Variants in BIN1 observed in about 807,000 individuals in gnomAD.
BIN1 encodes myc box-dependent-interacting protein 1.
Under a neutral mutation model 82.0 loss-of-function variants are expected in BIN1, and 53 were observed. The observed-to-expected ratio is 0.65, with a 90% CI of 0.52 to 0.81. The LOEUF (loss-of-function observed/expected upper bound fraction) is 0.81, where lower values mean the gene tolerates loss of function less well. Among genes scored for constraint, BIN1 ranks in the 40% least tolerant of loss-of-function variants. The pLI, the probability that BIN1 is intolerant of heterozygous loss-of-function variation, is 0.00. For synonymous variants in BIN1, 302 were observed against 328.0 expected, an observed-to-expected ratio of 0.92 and a Z score of 0.86; for missense variants, 642 against 784.4, an observed-to-expected ratio of 0.82 and a Z score of 2.17.
At chr2:127,050,324 G>T in intron 18 of BIN1, 97 bp downstream of exon 18, 1 of 1,358,926 alleles carries the variant, frequency 7.4e-7, no homozygotes, top group Non-Finnish European at 1.0e-6. Flanking sequence ...GCGGGCCTCT[G>T]CTGCCCCCTG....
intron 1 of BIN1, among the ~76,000 whole-genome samples, chr2:127,078,615 G>C (rs1275723742): frequency 6.6e-6 from 1 of 152,142 alleles, no homozygotes; most frequent in East Asian, 1.9e-4. Context: ...CAGCCCCTTG[G>C]GCAACTGCAG....
Position 127,050,928 on chromosome 2 carries a change from CG to C in BIN1, c.1462-17del, listed in dbSNP as rs1558793122. 3 of 1,611,332 alleles carry C rather than the reference CG, an allele frequency of 1.9e-6. No homozygotes were observed. Among genetic ancestry groups the C allele is most frequent in the Non-Finnish European group, 1.7e-6 (2 of 1,177,676 alleles). ...GAAGAGAGCTCTGGTGGCAGAGGTA[CG>C]GGTCAGCTGAGCAGGGAGGTGGTCC... On this transcript the variant is annotated splice_polypyrimidine_tract_variant and intron_variant, in intron 16 of 18. Coordinates refer to ENST00000316724, the MANE Select transcript of BIN1 (RefSeq NM_139343.3).
intron 1 of BIN1, among the ~76,000 whole-genome samples, chr2:127,087,956 C>A (rs2105249047): frequency 1.3e-5 from 2 of 152,350 alleles, no homozygotes; most frequent in African/African-American, 4.8e-5. Context: ...AGGGCTACGC[C>A]CACCCAGACC....
intron 1 of BIN1, among the ~76,000 whole-genome samples, chr2:127,099,317 TG>T (rs1240983002): frequency 1.3e-5 from 2 of 151,796 alleles, no homozygotes; most frequent in African/African-American, 4.8e-5. Flanking sequence ...GCCCAGAGTA[TG>T]GGATTCCCCC....
intron 1 of BIN1, among the ~76,000 whole-genome samples, chr2:127,096,157 C>T (rs1679578972): frequency 6.6e-6 from 1 of 152,162 alleles, no homozygotes; most frequent in Non-Finnish European, 1.5e-5. Flanking sequence ...CACCTGCAAT[C>T]TTTCGCCCTC....
chr2:127,081,851 C>T, intron 1 of BIN1: 1 of 1,287,924 alleles, frequency 7.8e-7, no homozygotes, highest in Non-Finnish European at 1.0e-6. Context: ...CATCTCCTCC[C>T]CACCTGCCTG....
intron 7 of BIN1, among the ~76,000 whole-genome samples, chr2:127,065,537 C>T (rs543171509): frequency 6.6e-6 from 1 of 152,240 alleles, no homozygotes; most frequent in Admixed American, 6.5e-5. Flanking sequence ...GTGAGCTGAG[C>T]ACCATCACAC....
intron 10 of BIN1, 103 bp downstream of exon 10, chr2:127,062,012 C>G (rs1159309484): frequency 1.7e-5 from 24 of 1,395,834 alleles, no homozygotes; most frequent in Non-Finnish European, 2.1e-5. Context: ...CCCCCAAGGC[C>G]AAACCCATGG....
At position 127,063,943 on chromosome 2, in the gene BIN1, G is replaced by C; in HGVS notation, c.688C>G (p.Leu230Val). ...NVDLQEELPSLWNSRVGFYVN... is the reference protein window; with the variant it reads ...NVDLQEELPSVWNSRVGFYVN... ...CGTGCTGGGCCTCACCTGTTCCACA[G>C]GGACGGCAGCTCCTCCTGCAGATCC... The change falls in exon 8 of 19, where the codon CTG (leucine) becomes GTG (valine). Residue 230 changes from leucine (L) to valine (V), a missense_variant. Coordinates refer to ENST00000316724, the MANE Select transcript of BIN1 (RefSeq NM_139343.3). 6.2e-7 allele frequency: 1 copy of C among 1,613,768 alleles called. No homozygotes were observed. The highest frequency in any genetic ancestry group is 8.5e-7 in the Non-Finnish European group (1 of 1,179,984).
chr2:127,050,864 C>T lies in BIN1; in HGVS notation c.1510G>A (p.Gly504Ser), dbSNP rs768399754. The T allele has an allele frequency of 5.0e-6, 8 of 1,613,944 alleles. No individual in the cohort carries two copies. The highest frequency in any genetic ancestry group is 6.8e-6 in the Non-Finnish European group (8 of 1,180,036). ...VVETFPATVN[G>S]TVEGGSGAGR... is the part of the protein sequence containing the mutation. ...GCCCCACTGCCGCCCTCCACGGTGC[C>T]ATTCACAGTTGCTGGGAAGGTCTCC... Residue 504 changes from glycine to serine, a missense_variant, in exon 17 of 19, where the codon GGC (glycine) becomes AGC (serine). Transcript: ENST00000316724.
At chr2:127,080,072 T>C (rs1687100733) in intron 1 of BIN1, among the ~76,000 whole-genome samples, 1 of 152,242 alleles carries the variant, frequency 6.6e-6, no homozygotes, top group African/African-American at 2.4e-5. Context: ...AGGCTGGCCT[T>C]GGCCACATGC....
At chr2:127,094,518 G>A (rs1679335356) in intron 1 of BIN1, among the ~76,000 whole-genome samples, 1 of 147,926 alleles carries the variant, frequency 6.8e-6, no homozygotes, top group African/African-American at 2.5e-5. Context: ...CTGCCTGCTA[G>A]CCAGGAGGCC....
intron 7 of BIN1, among the ~76,000 whole-genome samples, chr2:127,065,393 G>GC (rs1444619354): frequency 6.6e-6 from 1 of 152,074 alleles, no homozygotes; most frequent in African/African-American, 2.4e-5. Context: ...GGGGAATACT[G>GC]CCCCTCCTCC....
At position 127,068,144 on chromosome 2, in the gene BIN1, G is replaced by C. The variant is rs373772243; in HGVS notation, c.612+19C>G. On this transcript the variant is annotated intron_variant, in intron 7 of 18. Transcript: ENST00000316724. The surrounding 1 kb of genome is among the most constrained non-coding windows in gnomAD (Gnocchi z 4.9). ...GACCGGAAGGCGCCAGCACGTGCAAGGTTAGAAGCCAGTGTCACCTGATTT... is the reference window on the plus strand; with the variant it reads ...GACCGGAAGGCGCCAGCACGTGCAACGTTAGAAGCCAGTGTCACCTGATTT... 24 of 1,610,016 alleles carry C rather than the reference G, an allele frequency of 1.5e-5. No homozygotes were observed. The highest frequency in any genetic ancestry group is 1.8e-5 in the Non-Finnish European group (21 of 1,177,890).
intron 2 of BIN1, 112 bp from the exon 3 acceptor site, chr2:127,070,928 G>C (rs904959721): frequency 8.2e-6 from 9 of 1,096,540 alleles, no homozygotes; most frequent in Non-Finnish European, 1.1e-5. Flanking sequence ...CCTGACAGCA[G>C]CCACTGATCA....
chr2:127,053,465 C>A lies in BIN1; in HGVS notation c.1240-20G>T, dbSNP rs377476606. On this transcript the variant is annotated intron_variant, in intron 13 of 18. Coordinates refer to ENST00000316724, the MANE Select transcript of BIN1 (RefSeq NM_139343.3). ...AATTGACTGAGCGCAGCAGTGAGGG[C>A]GAGAAGGACAGTTAGCACAGAGGTT... The A allele has an allele frequency of 1.9e-6, 3 of 1,613,470 alleles. No individual in the cohort carries two copies. Among genetic ancestry groups the A allele is most frequent in the Middle Eastern group, 1.6e-4 (1 of 6,062 alleles).
chr2:127,051,908 G>A (rs1573537322), intron 15 of BIN1, among the ~76,000 whole-genome samples: 2 of 152,364 alleles, frequency 1.3e-5, no homozygotes, highest in African/African-American at 4.8e-5. Context: ...CTCCTCATCT[G>A]TAAAAGGAGG....
chr2:127,069,146 A>G, intron 5 of BIN1, 115 bp from the exon 6 acceptor site: 1 of 939,152 alleles, frequency 1.1e-6, no homozygotes, highest in Non-Finnish European at 1.6e-6. Flanking sequence ...CTCCACAGGA[A>G]CCCTTGAGCC....
rs1285072943 is a variant in BIN1, at chr2:127,067,065, G to A, written c.612+1098C>T. Among the ~76,000 whole-genome samples the A allele has an allele frequency of 1.9e-4, 20 of 105,294 alleles. No homozygotes were observed. The highest frequency in any genetic ancestry group is 1.8e-4 in the African/African-American group (3 of 16,948). 69.1% of individuals were successfully genotyped at this position (105,294 alleles called of 152,430 possible). On this transcript the variant is annotated intron_variant, in intron 7 of 18. Coordinates refer to ENST00000316724, the MANE Select transcript of BIN1 (RefSeq NM_139343.3). The surrounding 1 kb of genome is among the most constrained non-coding windows in gnomAD (Gnocchi z 4.7). ...CAGCCAGGGGAACGGAGAGAAACCC[G>A]TTCAAAAAAAAAAAAAAAATAGAAA...
Sources: allele counts gnomAD v4.1 joint callset (sites outside exome capture counted in the v4.1 genomes callset), GRCh38; gene constraint gnomAD v4.1.1; non-coding constraint Gnocchi (gnomAD v3.1); transcripts MANE v1.5; gene names NCBI Gene and HGNC (gene_info 2026-07-23, HGNC 2026-07-21).